TCF7L1: variants seen among roughly 807,000 people sequenced by gnomAD.
TCF7L1 encodes the protein transcription factor 7 like 1.
Under a neutral mutation model 63.7 loss-of-function variants are expected in TCF7L1, and 18 were observed. The ratio of observed to expected loss-of-function variants is 0.28; its 90% confidence interval spans 0.20 to 0.42. The LOEUF (loss-of-function observed/expected upper bound fraction) is 0.42, where lower values mean the gene tolerates loss of function less well. Ranked by LOEUF, TCF7L1 falls within the 10% of genes least tolerant of loss-of-function variation. The pLI, the probability that TCF7L1 is intolerant of heterozygous loss-of-function variation, is 1.00. For missense variants in TCF7L1, 654 were observed against 779.3 expected, an observed-to-expected ratio of 0.84 and a Z score of 1.91; for synonymous variants, 355 against 340.9, an observed-to-expected ratio of 1.04 and a Z score of -0.46.
intron 3 of TCF7L1, among the ~76,000 whole-genome samples, chr2:85,189,263 A>C (rs1484549993): frequency 6.6e-6 from 1 of 151,984 alleles, no homozygotes; most frequent in African/African-American, 2.4e-5. Flanking sequence ...GGGACTCTCC[A>C]TTCCTGATTT....
intron 11 of TCF7L1, among the ~76,000 whole-genome samples, chr2:85,308,504 C>A (rs1250527374): frequency 9.0e-6 from 1 of 110,826 alleles, no homozygotes; most frequent in Admixed American, 9.0e-5. Flanking sequence ...CCCCCCCTCC[C>A]TTTCTTCTTC....
At chr2:85,153,788 TTC>T (rs1166175905) in intron 3 of TCF7L1, among the ~76,000 whole-genome samples, 2 of 152,242 alleles carry the variant, frequency 1.3e-5, no homozygotes, top group African/African-American at 4.8e-5. Context: ...GCTAACACCA[TTC>T]TTTGCACACA....
chr2:85,261,568 C>A (rs1435868344), intron 3 of TCF7L1, among the ~76,000 whole-genome samples: 4 of 152,168 alleles, frequency 2.6e-5, no homozygotes, highest in Non-Finnish European at 4.4e-5. Context: ...CCAGCCTAAG[C>A]AATCAGGTGA....
At chr2:85,241,763 G>A (rs776808371) in intron 3 of TCF7L1, among the ~76,000 whole-genome samples, 1 of 152,048 alleles carries the variant, frequency 6.6e-6, no homozygotes, top group Non-Finnish European at 1.5e-5. Flanking sequence ...CTTTCAAGCA[G>A]TCCTTGTTCA....
intron 3 of TCF7L1, among the ~76,000 whole-genome samples, chr2:85,245,276 G>T (rs768764116): frequency 5.3e-5 from 8 of 152,228 alleles, no homozygotes; most frequent in Non-Finnish European, 1.5e-5. Context: ...AGAGAATGGG[G>T]TGAAGCTGAC....
chr2:85,295,847 G>A (rs1189635021), intron 4 of TCF7L1, among the ~76,000 whole-genome samples: 8 of 130,282 alleles, frequency 6.1e-5, no homozygotes, highest in African/African-American at 2.4e-4. Flanking sequence ...GCACGATCTC[G>A]GCTCACTGCA....
intron 3 of TCF7L1, among the ~76,000 whole-genome samples, chr2:85,220,473 C>T (rs1339365990): frequency 2.6e-5 from 4 of 152,114 alleles, no homozygotes; most frequent in Non-Finnish European, 5.9e-5. Flanking sequence ...TGAAGCGATT[C>T]TCCTGCCTCA....
chr2:85,248,704 T>C (rs17763700), intron 3 of TCF7L1, among the ~76,000 whole-genome samples: 6,211 of 152,264 alleles, frequency 0.041, 184 homozygotes, highest in Non-Finnish European at 0.061. Context: ...GCTTGTAGTT[T>C]TCCAAAAATG....
intron 4 of TCF7L1, among the ~76,000 whole-genome samples, chr2:85,289,621 T>C (rs1681641689): frequency 1.3e-5 from 2 of 152,236 alleles, no homozygotes; most frequent in Non-Finnish European, 2.9e-5. Flanking sequence ...CACCTCTCTC[T>C]TCCTGGTTGC....
In TCF7L1 at chr2:85,142,999, G is replaced by A. The variant is rs140162997; in HGVS notation, c.441+8549G>A. On this transcript the variant is annotated intron_variant, in intron 3 of 11. Transcript: ENST00000282111. ...AGGAAAATGATCTTCTAATTGAGAA[G>A]TATACTTCAAAGTTTGGAAATAAAA... Among the ~76,000 whole-genome samples the A allele has an allele frequency of 3.3e-5, 5 of 152,334 alleles. No homozygotes were observed. The East Asian group carries it at 9.6e-4, about 29-fold the overall frequency.
intron 3 of TCF7L1, among the ~76,000 whole-genome samples, chr2:85,253,374 G>A (rs1680638920): frequency 1.3e-5 from 2 of 151,186 alleles, no homozygotes; most frequent in African/African-American, 2.4e-5. Flanking sequence ...GCGGGGGCGG[G>A]GAGGTCTGGT....
chr2:85,238,777 TTTTATTTATTTATTTATTTATTTATTTA>T (rs200688175), intron 3 of TCF7L1, among the ~76,000 whole-genome samples: 6 of 139,452 alleles, frequency 4.3e-5, no homozygotes, highest in Admixed American at 7.3e-5. Flanking sequence ...TTTTGGAGCA[TTTTATTTATTTATTTATTTATTTATTTA>T]TTTATTTATT....
At chr2:85,179,126 A>G (rs1678743574) in intron 3 of TCF7L1, among the ~76,000 whole-genome samples, 1 of 152,156 alleles carries the variant, frequency 6.6e-6, no homozygotes, top group Non-Finnish European at 1.5e-5. Context: ...GCTCCTAAAC[A>G]GCAAAAAGAG....
At chr2:85,290,123 C>T (rs550024858) in intron 4 of TCF7L1, among the ~76,000 whole-genome samples, 9 of 152,002 alleles carry the variant, frequency 5.9e-5, no homozygotes, top group East Asian at 3.9e-4. Context: ...GGATTACAGG[C>T]GCCTGCCACC....
At chr2:85,215,313 G>A (rs1679674004) in intron 3 of TCF7L1, among the ~76,000 whole-genome samples, 1 of 152,226 alleles carries the variant, frequency 6.6e-6, no homozygotes, top group South Asian at 2.1e-4. Flanking sequence ...TAAAGATGCT[G>A]ATTGTCATTG....
At chr2:85,242,907 G>T (rs1396107000) in intron 3 of TCF7L1, among the ~76,000 whole-genome samples, 2 of 152,106 alleles carry the variant, frequency 1.3e-5, no homozygotes, top group Non-Finnish European at 2.9e-5. Flanking sequence ...GAATGAAAGG[G>T]CATGTTTTCC....
intron 3 of TCF7L1, among the ~76,000 whole-genome samples, chr2:85,175,804 G>A (rs569785577): frequency 1.3e-5 from 2 of 152,368 alleles, no homozygotes; most frequent in African/African-American, 2.4e-5. Context: ...GGATATGGAA[G>A]CGTGACCAAT....
Position 85,134,267 on chromosome 2 carries a change from G to A in TCF7L1, c.314-56G>A, listed in dbSNP as rs1677535940. On this transcript the variant is annotated intron_variant, in intron 2 of 11. Coordinates refer to ENST00000282111, the MANE Select transcript of TCF7L1 (RefSeq NM_031283.3). The surrounding 1 kb of genome is among the most constrained non-coding windows in gnomAD (Gnocchi z 5.0). ...CAGCTCCCGCCTCGAGCCCCCTGCC[G>A]CGGCGCTGTCAGTCCCGGGGGCCTG... 6.6e-7 allele frequency: 1 copy of A among 1,510,656 alleles called. No individual in the cohort carries two copies. Among genetic ancestry groups the A allele is most frequent in the African/African-American group, 1.4e-5 (1 of 71,446 alleles). 93.6% of individuals were successfully genotyped at this position (1,510,656 alleles called of 1,614,324 possible). A position where few individuals can be genotyped will look rare whatever the true frequency, so the allele number is the denominator to read the frequency against.
intron 4 of TCF7L1, among the ~76,000 whole-genome samples, chr2:85,285,336 T>G (rs1212232938): frequency 6.6e-6 from 1 of 152,178 alleles, no homozygotes; most frequent in African/African-American, 2.4e-5. Flanking sequence ...GCAGGGAGCC[T>G]GTATGATTTC....
Sources: gnomAD v4.1 joint callset for allele counts (sites outside exome capture counted in the v4.1 genomes callset) on GRCh38, gnomAD v4.1.1 for gene constraint, Gnocchi (gnomAD v3.1) non-coding constraint, MANE v1.5 for transcripts, NCBI Gene and HGNC (gene_info 2026-07-23, HGNC 2026-07-21) for gene names.